The following EXOC4 variants were observed in gnomAD, a reference collection of about 807,000 sequenced individuals.
EXOC4 encodes exocyst complex component 4.
In EXOC4, 71 loss-of-function variants were observed where a neutral mutation model predicts 107.2. The observed-to-expected ratio is 0.66, with a 90% CI of 0.55 to 0.81. The LOEUF (loss-of-function observed/expected upper bound fraction) is 0.81, where lower values mean the gene tolerates loss of function less well. Ranked by LOEUF, EXOC4 falls within the 30% of genes least tolerant of loss-of-function variation. The pLI is 0.00. For missense variants in EXOC4, 1,108 were observed against 1,189.6 expected (o/e 0.93, Z 1.01); for synonymous variants, 456 against 441.2 (o/e 1.03, Z -0.42).
intron 6 of EXOC4, among the ~76,000 whole-genome samples, chr7:133,357,092 GTCAC>G (rs1451906123): frequency 6.6e-4 from 101 of 152,250 alleles, no homozygotes; most frequent in Non-Finnish European, 3.2e-4. Context: ...AAAGCATATT[GTCAC>G]TCAATGAAAA....
intron 5 of EXOC4, among the ~76,000 whole-genome samples, chr7:133,339,507 C>G (rs1471357344): frequency 2.6e-5 from 4 of 152,040 alleles, no homozygotes; most frequent in Non-Finnish European, 5.9e-5. Context: ...TTTTTGGTGC[C>G]ACGTGAATTT....
intron 7 of EXOC4, among the ~76,000 whole-genome samples, chr7:133,455,899 A>T (rs1385216197): frequency 6.6e-6 from 1 of 152,226 alleles, no homozygotes; most frequent in Admixed American, 6.5e-5. Flanking sequence ...ATCCCAAATC[A>T]TACACCTTTA....
At chr7:133,937,740 A>T in intron 13 of EXOC4, 151 bp from the exon 14 acceptor site, 1 of 690,734 alleles carries the variant, frequency 1.4e-6, no homozygotes, top group Non-Finnish European at 2.5e-6. Flanking sequence ...GGCATGTGAT[A>T]GTTGTCTCAC....
intron 17 of EXOC4, among the ~76,000 whole-genome samples, chr7:134,046,987 C>G (rs1198817262): frequency 6.6e-6 from 1 of 152,204 alleles, no homozygotes; most frequent in African/African-American, 2.4e-5. Flanking sequence ...TGCTGGCCAG[C>G]CTCTGCCATT....
chr7:133,668,596 G>A (rs577639786), intron 10 of EXOC4, among the ~76,000 whole-genome samples: 1 of 152,302 alleles, frequency 6.6e-6, no homozygotes, highest in South Asian at 2.1e-4. Context: ...GAAGTGTTAA[G>A]CATGTGTCCT....
intron 7 of EXOC4, among the ~76,000 whole-genome samples, chr7:133,449,090 A>G (rs1364639601): frequency 6.6e-6 from 1 of 152,202 alleles, no homozygotes; most frequent in East Asian, 1.9e-4. Context: ...CCTGGGTGAC[A>G]GTGAGACTCT....
chr7:133,432,986 T>A (rs1163818330), intron 7 of EXOC4, among the ~76,000 whole-genome samples: 2 of 152,220 alleles, frequency 1.3e-5, no homozygotes, highest in Non-Finnish European at 2.9e-5. Flanking sequence ...TCAATGAAAC[T>A]CCTAATCATG....
rs1026553434 is a variant in EXOC4 at position 133,542,872 on chromosome 7, AT to A, written c.1417+62744del. ...TCTTCTATGTATTCAGAAAAATTTT[AT>A]TTTTTTTTTGAATTGTTGGATGCAG... On this transcript the variant is annotated intron_variant, in intron 9 of 17. Transcript: ENST00000253861. Among the ~76,000 whole-genome samples, 65 of 150,080 alleles carry A rather than the reference AT, an allele frequency of 4.3e-4. No homozygotes were observed. The South Asian group carries it at 6.6e-3, about 15-fold the overall frequency.
rs575848917 is a variant in EXOC4 at position 133,561,616 on chromosome 7, T to G, written c.1418-68429T>G. ...ACAGCAGGTTCTTGAATAACATTGCTTTGCTATAACGTTGATGAGAAAAAG... is the reference window on the plus strand; with the variant it reads ...ACAGCAGGTTCTTGAATAACATTGCGTTGCTATAACGTTGATGAGAAAAAG... On this transcript the variant is annotated intron_variant, in intron 9 of 17. Transcript: ENST00000253861. 4.6e-5 allele frequency among the ~76,000 whole-genome samples: 7 copies of G among 152,354 alleles called. No individual in the cohort carries two copies. In the South Asian group the frequency reaches 1.4e-3, roughly 32 times the overall value.
At chr7:133,815,630 A>G (rs1188089333) in intron 10 of EXOC4, among the ~76,000 whole-genome samples, 1 of 152,150 alleles carries the variant, frequency 6.6e-6, no homozygotes, top group Non-Finnish European at 1.5e-5. Flanking sequence ...CTCGGTTGCC[A>G]GCATTTTATC....
intron 9 of EXOC4, among the ~76,000 whole-genome samples, chr7:133,595,943 A>T (rs971610927): frequency 1.3e-5 from 2 of 152,120 alleles, no homozygotes; most frequent in African/African-American, 4.8e-5. Flanking sequence ...AGATTCTGGC[A>T]CCCCTGTCTG....
intron 7 of EXOC4, among the ~76,000 whole-genome samples, chr7:133,462,951 A>G (rs912060114): frequency 1.3e-5 from 2 of 152,134 alleles, no homozygotes; most frequent in Non-Finnish European, 2.9e-5. Context: ...TTTATTTTGA[A>G]GGCATGGAGG....
chr7:133,939,518 C>T (rs10274077), intron 14 of EXOC4, among the ~76,000 whole-genome samples: 42,271 of 152,080 alleles, frequency 0.28, 6,393 homozygotes, highest in Non-Finnish European at 0.34. Context: ...TTTATTCTTA[C>T]GTCTTTTATT....
At position 133,324,112 on chromosome 7, in the gene EXOC4, A is replaced by G. The variant is rs1187302499; in HGVS notation, c.763+6722A>G. Among the ~76,000 whole-genome samples, 10 of 151,036 alleles carry G rather than the reference A, an allele frequency of 6.6e-5. No individual in the cohort carries two copies. In the East Asian group the frequency reaches 1.9e-3, roughly 29 times the overall value. ...TTGATTCTTCTCTCTTTTTTTCTTT[A>G]TTAGTCTTGCTAGTGGTCTATCAAT... On this transcript the variant is annotated intron_variant, in intron 5 of 17. Transcript: ENST00000253861.
chr7:133,947,314 C>CT (rs1382259246), intron 14 of EXOC4, among the ~76,000 whole-genome samples: 8 of 152,254 alleles, frequency 5.3e-5, no homozygotes, highest in Non-Finnish European at 1.5e-5. Context: ...TCAGGCTTCT[C>CT]TTTTATCTCA....
chr7:133,942,533 T>TTG (rs1800455289), intron 14 of EXOC4, among the ~76,000 whole-genome samples: 2 of 152,158 alleles, frequency 1.3e-5, no homozygotes, highest in African/African-American at 4.8e-5. Context: ...TATTGTTAGG[T>TTG]ATCTTAGAAA....
chr7:133,496,265 C>T (rs1257859213), intron 9 of EXOC4, among the ~76,000 whole-genome samples: 1 of 152,078 alleles, frequency 6.6e-6, no homozygotes, highest in Non-Finnish European at 1.5e-5. Context: ...AGGTGATCTT[C>T]CTGCCTTAGC....
At chr7:133,504,281 T>C (rs1010348318) in intron 9 of EXOC4, among the ~76,000 whole-genome samples, 4 of 152,102 alleles carry the variant, frequency 2.6e-5, no homozygotes, top group African/African-American at 9.7e-5. Context: ...AGAGGCATAG[T>C]AATTAAGTGT....
chr7:133,454,754 C>A (rs1798425240), intron 7 of EXOC4, among the ~76,000 whole-genome samples: 1 of 152,096 alleles, frequency 6.6e-6, no homozygotes, highest in African/African-American at 2.4e-5. Flanking sequence ...TGCCAGGACC[C>A]CCAGTGGAGG....
Sources: gnomAD v4.1 joint callset for allele counts (sites outside exome capture counted in the v4.1 genomes callset) on GRCh38, gnomAD v4.1.1 for gene constraint, MANE v1.5 for transcripts, NCBI Gene and HGNC (gene_info 2026-07-23, HGNC 2026-07-21) for gene names.